ATP8A1: variants seen among roughly 807,000 people sequenced by gnomAD.
ATP8A1 encodes the protein phospholipid-transporting ATPase IA.
ATP8A1 carries 90 observed loss-of-function variants against 177.7 expected under a neutral mutation model. The observed-to-expected ratio is 0.51, with a 90% CI of 0.43 to 0.60. ATP8A1 has a LOEUF of 0.60. Among genes scored for constraint, ATP8A1 ranks in the 20% least tolerant of loss-of-function variants. The pLI is 0.00. For synonymous variants in ATP8A1, 493 were observed against 485.9 expected, an observed-to-expected ratio of 1.01 and a Z score of -0.19; for missense variants, 1,072 against 1,392.8, an observed-to-expected ratio of 0.77 and a Z score of 3.67.
intron 1 of ATP8A1, among the ~76,000 whole-genome samples, chr4:42,649,250 T>C (rs1740847815): frequency 6.6e-6 from 1 of 152,194 alleles, no homozygotes; most frequent in Non-Finnish European, 1.5e-5. Context: ...ACTGAGCTGC[T>C]ACCAAGTGTC....
intron 5 of ATP8A1, among the ~76,000 whole-genome samples, chr4:42,613,048 C>A (rs891659866): frequency 6.6e-6 from 1 of 152,186 alleles, no homozygotes; most frequent in Admixed American, 6.5e-5. Context: ...TCCCTCCCCA[C>A]TCCTATACAC....
intron 1 of ATP8A1, among the ~76,000 whole-genome samples, chr4:42,652,830 T>G (rs1402874946): frequency 6.6e-6 from 1 of 152,224 alleles, no homozygotes. Flanking sequence ...CATGTGAAAC[T>G]GAGTCCATTA....
intron 9 of ATP8A1, among the ~76,000 whole-genome samples, chr4:42,582,916 T>C (rs1733243208): frequency 6.6e-6 from 1 of 152,146 alleles, no homozygotes; most frequent in Non-Finnish European, 1.5e-5. Flanking sequence ...ATGTAATACA[T>C]AAATTTTAAT....
At chr4:42,608,915 C>T (rs1736094334) in intron 5 of ATP8A1, among the ~76,000 whole-genome samples, 1 of 152,078 alleles carries the variant, frequency 6.6e-6, no homozygotes, top group South Asian at 2.1e-4. Context: ...CTTCCAAAGA[C>T]AACTTTAAGG....
intron 22 of ATP8A1, among the ~76,000 whole-genome samples, 155 bp downstream of exon 22, chr4:42,522,005 T>C (rs1311416901): frequency 6.6e-6 from 1 of 152,232 alleles, no homozygotes; most frequent in Non-Finnish European, 1.5e-5. Context: ...TTTTAATGCA[T>C]ATTAATACTT....
At chr4:42,566,048 C>T (rs1341279136) in intron 15 of ATP8A1, among the ~76,000 whole-genome samples, 1 of 152,078 alleles carries the variant, frequency 6.6e-6, no homozygotes, top group Non-Finnish European at 1.5e-5. Flanking sequence ...AGTTTTATCT[C>T]TATAAACTAT....
intron 27 of ATP8A1, 114 bp from the exon 28 acceptor site, chr4:42,455,713 A>C: frequency 1.1e-6 from 1 of 871,376 alleles, no homozygotes; most frequent in Non-Finnish European, 1.7e-6. Context: ...TATTATACTC[A>C]TGACTCTTTT....
chr4:42,540,550 AGAT>A (rs1728279969), intron 20 of ATP8A1, among the ~76,000 whole-genome samples: 1 of 127,104 alleles, frequency 7.9e-6, no homozygotes, highest in African/African-American at 3.0e-5. Context: ...ACAGACCAAT[AGAT>A]AAAAAAAAAA....
chr4:42,425,087 G>A (rs1478183832), intron 33 of ATP8A1, among the ~76,000 whole-genome samples: 2 of 152,206 alleles, frequency 1.3e-5, no homozygotes, highest in Admixed American at 6.5e-5. Context: ...TAGATTGAAA[G>A]AAGCTTTCTA....
At chr4:42,639,625 G>A (rs116395619) in intron 1 of ATP8A1, among the ~76,000 whole-genome samples, 1,697 of 152,274 alleles carry the variant, frequency 0.011, 33 homozygotes, top group African/African-American at 0.039. Context: ...CTAGCCTATA[G>A]TAAATACATA....
At chr4:42,543,380 G>T (rs1029253204) in intron 20 of ATP8A1, among the ~76,000 whole-genome samples, 3 of 152,056 alleles carry the variant, frequency 2.0e-5, no homozygotes, top group African/African-American at 7.3e-5. Context: ...ATTTTCCCAT[G>T]AGTATAAATA....
At position 42,515,214 on chromosome 4, in the gene ATP8A1, G is replaced by A. The variant is rs185685910; in HGVS notation, c.1947+6946C>T. Among the ~76,000 whole-genome samples, 34 of 152,226 alleles carry A rather than the reference G, an allele frequency of 2.2e-4. No homozygotes were observed. The East Asian group carries it at 6.2e-3, about 28-fold the overall frequency. ...AACTATAAATGTTCTTAAGCAAATA[G>A]AACAGGAAACTACTGGAATTTTAAA... is the stretch of plus-strand genomic sequence containing the variant. On this transcript the variant is annotated intron_variant, in intron 22 of 36. Coordinates refer to ENST00000381668, the MANE Select transcript of ATP8A1 (RefSeq NM_006095.2).
chr4:42,649,886 A>C (rs780339650), intron 1 of ATP8A1, among the ~76,000 whole-genome samples: 37 of 152,198 alleles, frequency 2.4e-4, no homozygotes, highest in Non-Finnish European at 4.9e-4. Flanking sequence ...CAATGTCCTC[A>C]TGGGGAGCAA....
intron 30 of ATP8A1, among the ~76,000 whole-genome samples, chr4:42,449,086 T>C (rs373285193): frequency 4.6e-5 from 7 of 152,218 alleles, no homozygotes; most frequent in Admixed American, 3.9e-4. Context: ...TCCACCTGCA[T>C]TGGGCTCCCA....
chr4:42,644,731 T>C (rs1157978960), intron 1 of ATP8A1, among the ~76,000 whole-genome samples: 1 of 151,628 alleles, frequency 6.6e-6, no homozygotes, highest in Non-Finnish European at 1.5e-5. Context: ...AGAAACACAA[T>C]GGCCAAATAA....
chr4:42,487,836 T>C (rs986075230), intron 24 of ATP8A1, among the ~76,000 whole-genome samples: 2 of 152,206 alleles, frequency 1.3e-5, no homozygotes, highest in Non-Finnish European at 2.9e-5. Context: ...TGCCCAACTT[T>C]CCTAATGCTG....
intron 11 of ATP8A1, 84 bp downstream of exon 11, chr4:42,579,729 T>TA: frequency 2.4e-6 from 3 of 1,248,110 alleles, no homozygotes; most frequent in Non-Finnish European, 3.4e-6. Context: ...TTAGAAACAA[T>TA]ACGAAATAAA....
chr4:42,441,796 G>C (rs1560327610), intron 33 of ATP8A1, among the ~76,000 whole-genome samples: 1 of 152,164 alleles, frequency 6.6e-6, no homozygotes, highest in Non-Finnish European at 1.5e-5. Flanking sequence ...CCCTACAGCT[G>C]AATTAATCCA....
intron 22 of ATP8A1, among the ~76,000 whole-genome samples, chr4:42,510,124 C>T (rs1338480079): frequency 2.6e-5 from 4 of 152,164 alleles, no homozygotes; most frequent in East Asian, 1.9e-4. Flanking sequence ...AAAAATACTG[C>T]TGCAATCTAG....
Sources: gnomAD v4.1 joint callset for allele counts (sites outside exome capture counted in the v4.1 genomes callset) on GRCh38, gnomAD v4.1.1 for gene constraint, MANE v1.5 for transcripts, NCBI Gene and HGNC (gene_info 2026-07-23, HGNC 2026-07-21) for gene names.